The following CEP192 variants were observed in gnomAD, a reference collection of about 807,000 sequenced individuals.
CEP192 encodes centrosomal protein of 192 kDa.
In CEP192, 151 loss-of-function variants were observed where a neutral mutation model predicts 271.8. The observed-to-expected ratio is 0.56, with a 90% CI of 0.49 to 0.64. The LOEUF (loss-of-function observed/expected upper bound fraction) is 0.64, where lower values mean the gene tolerates loss of function less well. Among genes scored for constraint, CEP192 ranks in the 30% least tolerant of loss-of-function variants. The probability of loss-of-function intolerance (pLI) is 0.00; values close to 1 mark genes in which losing one functional copy is unlikely to be tolerated. For missense variants in CEP192, 2,910 were observed against 3,020.5 expected (o/e 0.96, Z 0.86); for synonymous variants, 995 against 1,076.5 (o/e 0.92, Z 1.48).
chr18:13,003,665 A>G (rs995010441), intron 3 of CEP192, among the ~76,000 whole-genome samples: 5 of 152,044 alleles, frequency 3.3e-5, no homozygotes, highest in African/African-American at 1.2e-4. Context: ...ACGGGAAGCC[A>G]CTAGAGGGCT....
At chr18:13,069,271 C>T in intron 26 of CEP192, 90 bp downstream of exon 26, 2 of 1,073,086 alleles carry the variant, frequency 1.9e-6, no homozygotes, top group Non-Finnish European at 2.9e-6. Context: ...CTCTTCCTGG[C>T]CCAACAGAGT....
chr18:13,076,944 C>T (rs568044916), intron 30 of CEP192, among the ~76,000 whole-genome samples: 75 of 152,050 alleles, frequency 4.9e-4, no homozygotes, highest in Non-Finnish European at 9.3e-4. Flanking sequence ...TCACCACACC[C>T]GGCTAATTTT....
intron 4 of CEP192, among the ~76,000 whole-genome samples, chr18:13,011,387 A>G (rs2034350676): frequency 1.3e-5 from 2 of 152,312 alleles, no homozygotes; most frequent in African/African-American, 4.8e-5. Context: ...GTAAAGTGGC[A>G]TAGCCACTTT....
chr18:13,095,535 A>T lies in CEP192; in HGVS notation c.6287A>T (p.Asn2096Ile). ...GGAGCTTCTGGGAAACATGGTGGCA[A>T]CGTCTCTTTGGATGTTTTACCAGTC... is the stretch of plus-strand genomic sequence containing the variant. ...DLGASGKHGG[N>I]VSLDVLPVKG... is the part of the protein sequence containing the mutation. The change falls in exon 35 of 45, where the codon AAC (asparagine) becomes ATC (isoleucine). Residue 2096 changes from asparagine (N) to isoleucine (I), a missense_variant. Physicochemically the swap from Asn to Ile is moderately radical, Grantham distance 149. Transcript: ENST00000506447. The T allele has an allele frequency of 1.2e-6, 2 of 1,612,710 alleles. No homozygotes were observed. Among genetic ancestry groups the T allele is most frequent in the Non-Finnish European group, 1.7e-6 (2 of 1,179,598 alleles).
chr18:13,021,199 A>G (rs1486391499), intron 9 of CEP192, among the ~76,000 whole-genome samples: 1 of 152,196 alleles, frequency 6.6e-6, no homozygotes, highest in African/African-American at 2.4e-5. Context: ...TAGCTCTTAC[A>G]TTTAGATTGT....
rs745916238 is a variant in CEP192 at position 13,068,252 on chromosome 18, GC to G, written c.4758+16del. 2 of 1,612,344 alleles carry G rather than the reference GC, an allele frequency of 1.2e-6. No homozygotes were observed. Among genetic ancestry groups the G allele is most frequent in the Non-Finnish European group, 1.7e-6 (2 of 1,178,730 alleles). On this transcript the variant is annotated intron_variant, in intron 23 of 44. Coordinates refer to ENST00000506447, the MANE Select transcript of CEP192 (RefSeq NM_032142.4). ...ATGATGGACAGGTGGGAGAGAACTG[GC>G]TTAGAATTAAAGAGGAAATTAAGCT...
At chr18:13,066,064 A>C (rs1420049003) in intron 21 of CEP192, among the ~76,000 whole-genome samples, 1 of 152,214 alleles carries the variant, frequency 6.6e-6, no homozygotes, top group African/African-American at 2.4e-5. Context: ...GTTTACTTTC[A>C]ACATTAATAT....
At chr18:13,085,902 TTAAAG>T (rs550887386) in intron 30 of CEP192, among the ~76,000 whole-genome samples, 5 of 152,172 alleles carry the variant, frequency 3.3e-5, no homozygotes, top group Non-Finnish European at 7.3e-5. Context: ...CATATGAACT[TTAAAG>T]TAGTTTTTTT....
intron 21 of CEP192, among the ~76,000 whole-genome samples, chr18:13,067,428 C>T (rs2037769899): frequency 6.6e-6 from 1 of 152,030 alleles, no homozygotes; most frequent in Non-Finnish European, 1.5e-5. Flanking sequence ...TTTGATATGT[C>T]TGTTTTGATA....
At chr18:13,078,324 G>C (rs946440549) in intron 30 of CEP192, among the ~76,000 whole-genome samples, 8 of 152,142 alleles carry the variant, frequency 5.3e-5, no homozygotes, top group Non-Finnish European at 1.0e-4. Flanking sequence ...TCTTTATCCA[G>C]TCTATCATTG....
intron 30 of CEP192, among the ~76,000 whole-genome samples, chr18:13,081,195 G>C (rs2038587438): frequency 6.6e-6 from 1 of 152,150 alleles, no homozygotes; most frequent in Non-Finnish European, 1.5e-5. Flanking sequence ...CTATTGATTG[G>C]AATAGTTTCA....
In CEP192 at chr18:13,040,093, A is replaced by T. The variant is rs555262493; in HGVS notation, c.1810-737A>T. Among the ~76,000 whole-genome samples, 14 of 152,330 alleles carry T rather than the reference A, an allele frequency of 9.2e-5. No individual in the cohort carries two copies. In the South Asian group the frequency reaches 2.1e-3, roughly 23 times the overall value. On this transcript the variant is annotated intron_variant, in intron 13 of 44. Transcript: ENST00000506447. ...ATTCATAGAAGTTGAAGAGTAACTG[A>T]ATTCCTTATTAATGGAATTATAGTA...
rs748937627 is a variant in CEP192 at position 13,099,519 on chromosome 18, A to G, written c.6601A>G (p.Thr2201Ala). 5 of 1,603,846 alleles carry G rather than the reference A, an allele frequency of 3.1e-6. No homozygotes were observed. Among genetic ancestry groups the G allele is most frequent in the African/African-American group, 1.3e-5 (1 of 74,216 alleles). Residue 2201 changes from threonine to alanine, a missense_variant, in exon 37 of 45, where the codon ACA (threonine) becomes GCA (alanine). By Grantham distance (58) the Thr-to-Ala change is moderately conservative. Coordinates refer to ENST00000506447, the MANE Select transcript of CEP192 (RefSeq NM_032142.4). ...ILVSPNSSLSTKQSMFPWSGL... is the reference protein window; with the variant it reads ...ILVSPNSSLSAKQSMFPWSGL... ...TGTGAGTCCTAATTCCTCCTTATCC[A>G]CAAAACAGTCAATGTTCCCGTGGAG...
chr18:13,055,831 G>T lies in CEP192; in HGVS notation c.3241G>T (p.Ala1081Ser). The T allele has an allele frequency of 6.2e-7, 1 of 1,609,332 alleles. No homozygotes were observed. The highest frequency in any genetic ancestry group is 8.5e-7 in the Non-Finnish European group (1 of 1,177,980). ...CACAATTATTCAAGGCAGTCCAGCC[G>T]CATTGGAGGAACGGGCTATGGAAAA... ...STTIIQGSPA[A>S]LEERAMEKLR... Residue 1081 changes from alanine to serine, a missense_variant, in exon 19 of 45, where the codon GCA (alanine) becomes TCA (serine). Transcript: ENST00000506447.
Position 13,111,741 on chromosome 18 carries a change from T to G in CEP192, c.7048-1845T>G, listed in dbSNP as rs140589922. Among the ~76,000 whole-genome samples, 10 of 152,342 alleles carry G rather than the reference T, an allele frequency of 6.6e-5. No individual in the cohort carries two copies. In the East Asian group the frequency reaches 1.9e-3, roughly 29 times the overall value. ...AATGATGTATTTGACAAAGGACTTG[T>G]ATCCAGAATACGTAAAGAACTCTTA... On this transcript the variant is annotated intron_variant, in intron 40 of 44. Coordinates refer to ENST00000506447, the MANE Select transcript of CEP192 (RefSeq NM_032142.4).
intron 44 of CEP192, among the ~76,000 whole-genome samples, chr18:13,120,257 G>T (rs1010330083): frequency 1.3e-5 from 2 of 151,788 alleles, no homozygotes; most frequent in Non-Finnish European, 2.9e-5. Flanking sequence ...TTTGAAAGAT[G>T]CCTAAAACAT....
rs2039816042 is a variant in CEP192, at chr18:13,103,571, G to A, written c.6934G>A (p.Ala2312Thr). ...CGTGAAATGGCATCTGTCATCTTTA[G>A]CGCCACCTTATGTCAAGGTCAGTCA... ...TDVKWHLSSL[A>T]PPYVKGVDES... is the part of the protein sequence containing the mutation. The change falls in exon 39 of 45, where the codon GCG becomes ACG. Residue 2312 changes from alanine to threonine, a missense_variant. Coordinates refer to ENST00000506447, the MANE Select transcript of CEP192 (RefSeq NM_032142.4). 5 of 1,613,556 alleles carry A rather than the reference G, an allele frequency of 3.1e-6. No homozygotes were observed. The East Asian group carries it at 1.1e-4, about 36-fold the overall frequency.
chr18:13,075,809 G>A (rs1249325585), intron 30 of CEP192, among the ~76,000 whole-genome samples: 2 of 152,100 alleles, frequency 1.3e-5, no homozygotes, highest in East Asian at 1.9e-4. Flanking sequence ...AGAGAGATAC[G>A]TGGCCGTGAT....
chr18:13,004,830 A>T (rs1191865903), intron 3 of CEP192, among the ~76,000 whole-genome samples: 2 of 152,010 alleles, frequency 1.3e-5, no homozygotes, highest in Admixed American at 1.3e-4. Context: ...GGTGAAGAGG[A>T]GGCAGAGAAT....
Sources: gnomAD v4.1 joint callset for allele counts (sites outside exome capture counted in the v4.1 genomes callset) on GRCh38, gnomAD v4.1.1 for gene constraint, MANE v1.5 for transcripts, NCBI Gene and HGNC (gene_info 2026-07-23, HGNC 2026-07-21) for gene names.